ARID4B: variants seen among roughly 807,000 people sequenced by gnomAD.
ARID4B encodes AT-rich interaction domain 4B, also known as AT-rich interactive domain-containing protein 4B.
In ARID4B, 26 loss-of-function variants were observed where a neutral mutation model predicts 147.5. That is an observed-to-expected ratio of 0.18 (90% confidence interval 0.13 to 0.24). ARID4B has a LOEUF of 0.24. Among genes scored for constraint, ARID4B ranks in the 10% least tolerant of loss-of-function variants. The pLI is 1.00. For missense variants in ARID4B, 1,179 were observed against 1,511.5 expected, an observed-to-expected ratio of 0.78 and a Z score of 3.65; for synonymous variants, 512 against 507.9, an observed-to-expected ratio of 1.01 and a Z score of -0.11.
chr1:235,207,379 G>A (rs574080696), intron 17 of ARID4B, among the ~76,000 whole-genome samples: 14 of 152,196 alleles, frequency 9.2e-5, no homozygotes, highest in South Asian at 4.1e-4. Flanking sequence ...CTCCAACCAC[G>A]ATCGGCTGCA....
At chr1:235,185,273 TAAG>T (rs764428345) in intron 19 of ARID4B, among the ~76,000 whole-genome samples, 26 of 152,260 alleles carry the variant, frequency 1.7e-4, no homozygotes, top group Non-Finnish European at 3.7e-4. Flanking sequence ...CCTGCAGAAA[TAAG>T]TAGTACATTT....
At chr1:235,269,881 T>C (rs890185175) in intron 2 of ARID4B, among the ~76,000 whole-genome samples, 1 of 152,216 alleles carries the variant, frequency 6.6e-6, no homozygotes, top group South Asian at 2.1e-4. Context: ...ATTTTTCTAT[T>C]AATTATCTAT....
chr1:235,239,275 G>A (rs113061617), intron 8 of ARID4B, among the ~76,000 whole-genome samples: 5 of 152,136 alleles, frequency 3.3e-5, no homozygotes, highest in African/African-American at 1.2e-4. Flanking sequence ...CCCCAGCCAA[G>A]ATAATTCTTA....
At chr1:235,175,062 G>C (rs12731779) in intron 22 of ARID4B, 122 bp downstream of exon 22, 13 of 817,852 alleles carry the variant, frequency 1.6e-5, no homozygotes, top group African/African-American at 1.4e-4. Flanking sequence ...AGCCAAGATC[G>C]CACCACCGCA....
At chr1:235,302,280 G>C (rs539313299) in intron 2 of ARID4B, among the ~76,000 whole-genome samples, 1 of 133,226 alleles carries the variant, frequency 7.5e-6, no homozygotes, top group East Asian at 2.4e-4. Flanking sequence ...GGGAGGGGAG[G>C]AAGGAAGGAA....
chr1:235,202,099 G>A (rs1009325264), intron 17 of ARID4B, among the ~76,000 whole-genome samples: 1 of 150,436 alleles, frequency 6.6e-6, no homozygotes, highest in Non-Finnish European at 1.5e-5. Flanking sequence ...TTAACCTTTA[G>A]GAATTATGAT....
At chr1:235,253,197 A>C (rs1669748907) in intron 5 of ARID4B, among the ~76,000 whole-genome samples, 1 of 152,212 alleles carries the variant, frequency 6.6e-6, no homozygotes, top group Non-Finnish European at 1.5e-5. Flanking sequence ...AAGTATATGC[A>C]ATCAGACTGC....
At chr1:235,242,582 G>C (rs1390371546) in intron 7 of ARID4B, among the ~76,000 whole-genome samples, 1 of 152,174 alleles carries the variant, frequency 6.6e-6, no homozygotes, top group Non-Finnish European at 1.5e-5. Flanking sequence ...GTAGCAGCTA[G>C]AAAGCTACAA....
intron 17 of ARID4B, among the ~76,000 whole-genome samples, chr1:235,201,273 T>C (rs577249831): frequency 6.6e-6 from 1 of 152,118 alleles, no homozygotes; most frequent in South Asian, 2.1e-4. Context: ...GGGTACCACG[T>C]CAAGTAAGAT....
chr1:235,275,947 G>A (rs1290124286), intron 2 of ARID4B, among the ~76,000 whole-genome samples: 6 of 152,110 alleles, frequency 3.9e-5, no homozygotes, highest in Non-Finnish European at 1.5e-5. Flanking sequence ...GACCAGCCGG[G>A]ACAACACGGC....
chr1:235,263,602 C>T (rs4659721), intron 2 of ARID4B, among the ~76,000 whole-genome samples: 70,732 of 151,800 alleles, frequency 0.47, 16,800 homozygotes, highest in South Asian at 0.6. Context: ...GTGGGGCAAA[C>T]TATTCTTTTG....
At chr1:235,203,714 T>C (rs1357308749) in intron 17 of ARID4B, among the ~76,000 whole-genome samples, 2 of 152,082 alleles carry the variant, frequency 1.3e-5, no homozygotes, top group East Asian at 1.9e-4. Context: ...GAACCTCACA[T>C]CTAAAGTGGA....
chr1:235,325,036 C>A (rs566874008), intron 2 of ARID4B, among the ~76,000 whole-genome samples: 28 of 152,242 alleles, frequency 1.8e-4, no homozygotes, highest in African/African-American at 6.3e-4. Context: ...ATACAAATTA[C>A]AAGAAGCTTC....
At chr1:235,255,059 T>C (rs1375468346) in intron 5 of ARID4B, among the ~76,000 whole-genome samples, 1 of 151,918 alleles carries the variant, frequency 6.6e-6, no homozygotes, top group Non-Finnish European at 1.5e-5. Context: ...AATACTAGGA[T>C]ACAGTAGGTA....
intron 14 of ARID4B, 126 bp from the exon 15 acceptor site, chr1:235,220,671 T>C: frequency 1.3e-6 from 1 of 790,600 alleles, no homozygotes. Flanking sequence ...AACATTCTAA[T>C]TTATTCTAGT....
chr1:235,271,459 G>C (rs1670981709), intron 2 of ARID4B, among the ~76,000 whole-genome samples: 1 of 151,756 alleles, frequency 6.6e-6, no homozygotes, highest in African/African-American at 2.4e-5. Context: ...GTGAAACCCA[G>C]TCTCTACTAA....
chr1:235,220,177 C>A (rs1667359045), intron 15 of ARID4B, 125 bp downstream of exon 15: 2 of 950,144 alleles, frequency 2.1e-6, no homozygotes, highest in Middle Eastern at 3.6e-4. Flanking sequence ...AAAAGTAGCA[C>A]TTAATGAAGA....
At chr1:235,253,622 G>C (rs1480772520) in intron 5 of ARID4B, among the ~76,000 whole-genome samples, 8 of 151,994 alleles carry the variant, frequency 5.3e-5, no homozygotes, top group Non-Finnish European at 1.2e-4. Flanking sequence ...TAAAGTAGGG[G>C]AAAAATTTTA....
chr1:235,320,035 G>A (rs1041318197), intron 2 of ARID4B, among the ~76,000 whole-genome samples: 9 of 152,018 alleles, frequency 5.9e-5, no homozygotes, highest in Non-Finnish European at 1.3e-4. Context: ...GCTGAGGCAG[G>A]AGAATCGCTT....
Sources: gnomAD v4.1 joint callset for allele counts (sites outside exome capture counted in the v4.1 genomes callset) on GRCh38, gnomAD v4.1.1 for gene constraint, MANE v1.5 for transcripts, NCBI Gene and HGNC (gene_info 2026-07-23, HGNC 2026-07-21) for gene names.